ARID1A: variants seen among roughly 807,000 people sequenced by gnomAD.
The protein encoded by ARID1A is AT-rich interaction domain 1A.
A neutral mutation model predicts 212.6 loss-of-function variants in ARID1A; 20 were observed. The ratio of observed to expected loss-of-function variants is 0.09; its 90% CI spans 0.07 to 0.14. The LOEUF (loss-of-function observed/expected upper bound fraction) is 0.14. ARID1A is among the 10% of genes least tolerant of loss of function. The probability of loss-of-function intolerance (pLI) is 1.00; values close to 1 mark genes in which losing one functional copy is unlikely to be tolerated. For synonymous variants in ARID1A, 1,376 were observed against 1,222.1 expected, an observed-to-expected ratio of 1.13 and a Z score of -2.63; for missense variants, 2,587 against 3,059.0, an observed-to-expected ratio of 0.85 and a Z score of 3.64.
At chr1:26,733,530 T>C (rs76306464) in intron 4 of ARID1A, among the ~76,000 whole-genome samples, 1 of 152,220 alleles carries the variant, frequency 6.6e-6, no homozygotes, top group Non-Finnish European at 1.5e-5. Context: ...TTTGTAATCA[T>C]CGCCTCAGAG....
At chr1:26,713,718 C>T (rs984464025) in intron 1 of ARID1A, among the ~76,000 whole-genome samples, 1 of 152,166 alleles carries the variant, frequency 6.6e-6, no homozygotes, top group Non-Finnish European at 1.5e-5. Flanking sequence ...CAGGAAATGT[C>T]TATGTCTGAT....
intron 1 of ARID1A, among the ~76,000 whole-genome samples, chr1:26,714,080 T>G (rs2080478772): frequency 6.6e-6 from 1 of 152,236 alleles, no homozygotes; most frequent in Non-Finnish European, 1.5e-5. Flanking sequence ...GAGAGTTAAA[T>G]GTTGGCTAGT....
intron 1 of ARID1A, among the ~76,000 whole-genome samples, chr1:26,712,856 A>G (rs2080466964): frequency 6.6e-6 from 1 of 152,272 alleles, no homozygotes; most frequent in African/African-American, 2.4e-5. Flanking sequence ...TGGGAGTTAC[A>G]GAAGTGGTCA....
At chr1:26,749,361 GTTTGT>G (rs1173438050) in intron 4 of ARID1A, among the ~76,000 whole-genome samples, 3 of 152,012 alleles carry the variant, frequency 2.0e-5, no homozygotes, top group African/African-American at 7.2e-5. Flanking sequence ...TGTGTTTGGT[GTTTGT>G]TTTATTTGTT....
intron 4 of ARID1A, among the ~76,000 whole-genome samples, chr1:26,750,486 A>G (rs2080874388): frequency 6.6e-6 from 1 of 152,124 alleles, no homozygotes; most frequent in Non-Finnish European, 1.5e-5. Context: ...TCTAGAAAGG[A>G]GCCTTCCCGT....
rs773143439 is a variant in ARID1A, at chr1:26,760,844, T to C, written c.1921-12T>C. The C allele has an allele frequency of 6.2e-7, 1 of 1,603,866 alleles. No homozygotes were observed. Among genetic ancestry groups the C allele is most frequent in the South Asian group, 1.1e-5 (1 of 90,846 alleles). On this transcript the variant is annotated splice_polypyrimidine_tract_variant and intron_variant, in intron 4 of 19. Transcript: ENST00000324856. ...AATATTACTAATCCATGTTCTTATATATATGTTCTAGGATCTATCTGGTTC... is the reference window on the plus strand; with the variant it reads ...AATATTACTAATCCATGTTCTTATACATATGTTCTAGGATCTATCTGGTTC...
At position 26,761,080 on chromosome 1, in the gene ARID1A, G is replaced by T. The variant is rs750872456; in HGVS notation, c.2145G>T (p.Ser715=). 2 of 1,613,920 alleles carry T rather than the reference G, an allele frequency of 1.2e-6. No homozygotes were observed. The highest frequency in any genetic ancestry group is 8.5e-7 in the Non-Finnish European group (1 of 1,180,002). Residue 715 remains serine, a synonymous_variant, in exon 5 of 20, where the codon TCG becomes TCT. Transcript: ENST00000324856. ...SVAQSRSGPL[S]PAAVPGNQMP... ...CTCAGTCTCGCTCAGGACCACTCTC[G>T]CCTGCTGCAGTGCCAGGTACCCTCA... is the stretch of plus-strand genomic sequence containing the variant.
intron 4 of ARID1A, among the ~76,000 whole-genome samples, chr1:26,750,242 C>A (rs775412068): frequency 3.9e-5 from 6 of 152,184 alleles, no homozygotes; most frequent in Non-Finnish European, 8.8e-5. Flanking sequence ...CAGATCTCTG[C>A]TTGGAGCATG....
rs71007887 is a variant in ARID1A, at chr1:26,714,398, TTTTG to T, written c.1138-15225_1138-15222del. On this transcript the variant is annotated intron_variant, in intron 1 of 19. Coordinates refer to ENST00000324856, the MANE Select transcript of ARID1A (RefSeq NM_006015.6). ...AGGATTTGGATGCATCTATAATCTT[TTTTG>T]TTTGTTTGTTTGTTTGTTTGTTTGT... 5.2e-3 allele frequency among the ~76,000 whole-genome samples: 786 copies of T among 151,856 alleles called. 11 individuals are homozygous for T. The highest frequency in any genetic ancestry group is 0.013 in the South Asian group (64 of 4,788).
At chr1:26,758,797 AT>A (rs2080964530) in intron 4 of ARID1A, among the ~76,000 whole-genome samples, 1 of 152,114 alleles carries the variant, frequency 6.6e-6, no homozygotes. Flanking sequence ...TTCTCATTGC[AT>A]TTTTAAAGTA....
chr1:26,723,900 C>T (rs1182609403), intron 1 of ARID1A, among the ~76,000 whole-genome samples: 1 of 151,980 alleles, frequency 6.6e-6, no homozygotes, highest in Non-Finnish European at 1.5e-5. Flanking sequence ...TCCCTTGGCC[C>T]CAGTTCAAAC....
chr1:26,748,059 T>G lies in ARID1A; in HGVS notation c.1921-12797T>G, dbSNP rs566031929. 4.6e-5 allele frequency among the ~76,000 whole-genome samples: 7 copies of G among 152,322 alleles called. No homozygotes were observed. In the South Asian group the frequency reaches 1.5e-3, roughly 32 times the overall value. ...TTGTTCCACCCTCTCCCCCTAAATA[T>G]TTGGATTTTATATAGACCAGTAGGC... On this transcript the variant is annotated intron_variant, in intron 4 of 19. Coordinates refer to ENST00000324856, the MANE Select transcript of ARID1A (RefSeq NM_006015.6).
intron 1 of ARID1A, among the ~76,000 whole-genome samples, chr1:26,702,479 C>T (rs1288612322): frequency 2.6e-5 from 4 of 152,198 alleles, no homozygotes; most frequent in African/African-American, 9.7e-5. Flanking sequence ...ACAGCATCTT[C>T]TATCGTCTCT....
At chr1:26,748,501 T>C (rs1361253754) in intron 4 of ARID1A, among the ~76,000 whole-genome samples, 1 of 152,156 alleles carries the variant, frequency 6.6e-6, no homozygotes, top group East Asian at 1.9e-4. Flanking sequence ...CTTTGCCTTC[T>C]CTAGCTTTAC....
rs1346582040 is a variant in ARID1A, at chr1:26,761,418, G to C, written c.2196G>C (p.Gln732His). The change falls in exon 6 of 20, where the codon CAG becomes CAC. Residue 732 changes from glutamine to histidine, a missense_variant. Physicochemically the swap from Gln to His is conservative, Grantham distance 24 (BLOSUM62 0). This residue lies in a region of ARID1A where 674 missense variants were observed against 813.4 expected (regional missense o/e 0.83). Transcript: ENST00000324856. ...TGCCACCTCGGCCACCCAGTGGCCA[G>C]TCGGACAGCATCATGCATCCTTCCA... ...NQMPPRPPSG[Q>H]SDSIMHPSMN... 6.2e-7 allele frequency: 1 copy of C among 1,614,228 alleles called. No individual in the cohort carries two copies. The highest frequency in any genetic ancestry group is 2.2e-5 in the East Asian group (1 of 44,878).
At chr1:26,715,188 A>ATTTG (rs575027998) in intron 1 of ARID1A, among the ~76,000 whole-genome samples, 2 of 152,128 alleles carry the variant, frequency 1.3e-5, no homozygotes, top group African/African-American at 4.8e-5. Flanking sequence ...TACTTTGTTT[A>ATTTG]TTTGTTTGTT....
rs2124149747 is a variant in ARID1A, at chr1:26,780,397, G to T, written c.6499G>T (p.Ala2167Ser). The change falls in exon 20 of 20, where the codon GCT becomes TCT. Residue 2167 changes from alanine to serine, a missense_variant. This residue lies in a region of ARID1A where 168 missense variants were observed against 321.0 expected (regional missense o/e 0.52). Transcript: ENST00000324856. The surrounding 1 kb of genome is among the most constrained non-coding windows in gnomAD (Gnocchi z 7.2). ...AAAGAACCCGGTGTGCCGGGAGATG[G>T]CTGTGGTACTGCTGGCCAACCTGGC... Reference protein sequence around the residue: ...DRKNPVCREMAVVLLANLAQG... With the variant: ...DRKNPVCREMSVVLLANLAQG... 1.9e-6 allele frequency: 3 copies of T among 1,614,240 alleles called. No homozygotes were observed. The highest frequency in any genetic ancestry group is 1.7e-6 in the Non-Finnish European group (2 of 1,180,038).
In ARID1A at chr1:26,696,779, G is replaced by A. The variant is rs1400214289; in HGVS notation, c.376G>A (p.Gly126Ser). ...NLTEPPGGGGGGSSDGVGAPP... is the reference protein window; with the variant it reads ...NLTEPPGGGGSGSSDGVGAPP... ...CACGGAGCCGCCCGGCGGCGGCGGT[G>A]GCGGCAGCAGCGATGGGGTGGGGGC... Residue 126 changes from glycine (G) to serine (S), a missense_variant, in exon 1 of 20, where the codon GGC becomes AGC. By Grantham distance (56) the Gly-to-Ser change is moderately conservative (BLOSUM62 0). Coordinates refer to ENST00000324856, the MANE Select transcript of ARID1A (RefSeq NM_006015.6). The A allele has an allele frequency of 7.5e-6, 10 of 1,338,444 alleles. No individual in the cohort carries two copies. The Admixed American group carries it at 2.1e-4, about 28-fold the overall frequency. The allele number at this position is 1,338,444 out of a possible 1,614,324, so 82.9% of individuals were successfully genotyped here.
rs1179767968 is a variant in ARID1A at position 26,773,840 on chromosome 1, C to G, written c.4043C>G (p.Thr1348Ser). Residue 1348 changes from threonine (T) to serine (S), a missense_variant, in exon 17 of 20, where the codon ACC becomes AGC. By Grantham distance (58) the Thr-to-Ser change is moderately conservative. This residue lies in a region of ARID1A where 890 missense variants were observed against 1,098.2 expected (regional missense o/e 0.81). Coordinates refer to ENST00000324856, the MANE Select transcript of ARID1A (RefSeq NM_006015.6). ...GGCAATCAGTTCTCCACCCAAGGCA[C>G]CCCTTCTGGCAGCCCCTTCCCCAGC... ...SYGNQFSTQGTPSGSPFPSQQ... is the reference protein window; with the variant it reads ...SYGNQFSTQGSPSGSPFPSQQ... 1.2e-6 allele frequency: 2 copies of G among 1,614,222 alleles called. No homozygotes were observed. Among genetic ancestry groups the G allele is most frequent in the South Asian group, 1.1e-5 (1 of 91,084 alleles).
Sources: gnomAD v4.1 joint callset for allele counts (sites outside exome capture counted in the v4.1 genomes callset) on GRCh38, gnomAD v4.1.1 for gene constraint, gnomAD v4.1.1 regional missense constraint, Gnocchi (gnomAD v3.1) non-coding constraint, MANE v1.5 for transcripts, NCBI Gene and HGNC (gene_info 2026-07-23, HGNC 2026-07-21) for gene names.